CTNNA2: variants seen among roughly 807,000 people sequenced by gnomAD.
The protein encoded by CTNNA2 is catenin alpha 2.
CTNNA2 carries 42 observed loss-of-function variants against 101.0 expected under a neutral mutation model. The observed-to-expected ratio is 0.42, with a 90% CI of 0.32 to 0.54. CTNNA2 has a LOEUF of 0.54. CTNNA2 is among the 20% of genes least tolerant of loss of function. The pLI is 0.14. For synonymous variants in CTNNA2, 450 were observed against 456.4 expected (o/e 0.99, Z 0.18); for missense variants, 871 against 1,223.1 (o/e 0.71, Z 4.29).
intron 3 of CTNNA2, among the ~76,000 whole-genome samples, chr2:79,839,395 G>T (rs1238331504): frequency 2.0e-5 from 3 of 151,866 alleles, no homozygotes; most frequent in Admixed American, 6.6e-5. Context: ...ATCAAATATG[G>T]ACTTCTTTTT....
chr2:79,546,664 G>A (rs1240106263), intron 1 of CTNNA2, among the ~76,000 whole-genome samples: 3 of 152,104 alleles, frequency 2.0e-5, no homozygotes, highest in Non-Finnish European at 2.9e-5. Flanking sequence ...GTGGTTTATA[G>A]CAGACACATA....
chr2:80,573,766 A>G (rs551708442), intron 12 of CTNNA2, among the ~76,000 whole-genome samples: 5 of 152,328 alleles, frequency 3.3e-5, no homozygotes, highest in Admixed American at 3.3e-4. Context: ...ATTTTATTAC[A>G]TTTTATAGAC....
intron 4 of CTNNA2, chr2:79,493,570 C>G (rs758597996): frequency 6.6e-6 from 1 of 152,230 alleles, no homozygotes; most frequent in Non-Finnish European, 1.5e-5. Context: ...GAGCCGAGAC[C>G]GCAACACTGC....
chr2:79,292,596 A>G (rs1464260845), intron 2 of CTNNA2, among the ~76,000 whole-genome samples: 1 of 152,198 alleles, frequency 6.6e-6, no homozygotes, highest in South Asian at 2.1e-4. Flanking sequence ...GGTTAAGTAC[A>G]AGTACCCCAT....
chr2:80,062,702 C>CTTTTTT (rs70940073), intron 7 of CTNNA2, among the ~76,000 whole-genome samples: 4 of 117,510 alleles, frequency 3.4e-5, no homozygotes, highest in East Asian at 2.3e-4. Flanking sequence ...GCACTGTGAT[C>CTTTTTT]TTTTTTTTTT....
chr2:79,209,328 G>A (rs1674140310), intron 2 of CTNNA2, among the ~76,000 whole-genome samples: 1 of 152,196 alleles, frequency 6.6e-6, no homozygotes, highest in East Asian at 1.9e-4. Flanking sequence ...TGGATAGACA[G>A]GCAAATTTTG....
At chr2:79,248,486 C>T (rs1028560184) in intron 2 of CTNNA2, among the ~76,000 whole-genome samples, 3 of 152,108 alleles carry the variant, frequency 2.0e-5, no homozygotes, top group African/African-American at 4.8e-5. Flanking sequence ...AAGTACATCT[C>T]AATTTAGACC....
intron 7 of CTNNA2, among the ~76,000 whole-genome samples, chr2:80,231,175 T>C (rs1319874500): frequency 6.6e-6 from 1 of 152,112 alleles, no homozygotes; most frequent in Admixed American, 6.6e-5. Flanking sequence ...GGTTTCACCA[T>C]GTTGGCCAGG....
At chr2:79,838,365 T>C (rs1297317425) in intron 3 of CTNNA2, among the ~76,000 whole-genome samples, 1 of 151,798 alleles carries the variant, frequency 6.6e-6, no homozygotes, top group Non-Finnish European at 1.5e-5. Context: ...GGGTGGAGGG[T>C]AAAGAAAGAA....
intron 7 of CTNNA2, among the ~76,000 whole-genome samples, chr2:80,071,452 A>G (rs1186743287): frequency 2.0e-5 from 3 of 152,208 alleles, no homozygotes; most frequent in East Asian, 3.9e-4. Context: ...CACATGTTTA[A>G]TCAAGACCTT....
At chr2:80,078,141 T>G (rs548251918) in intron 7 of CTNNA2, among the ~76,000 whole-genome samples, 1 of 152,318 alleles carries the variant, frequency 6.6e-6, no homozygotes, top group African/African-American at 2.4e-5. Context: ...TTAAACTGAC[T>G]AGATGCTAAG....
At chr2:79,201,912 T>G (rs565767604) in intron 2 of CTNNA2, among the ~76,000 whole-genome samples, 1 of 152,266 alleles carries the variant, frequency 6.6e-6, no homozygotes, top group South Asian at 2.1e-4. Flanking sequence ...GTGGTACAGT[T>G]TGCTTTTATA....
intron 15 of CTNNA2, among the ~76,000 whole-genome samples, chr2:80,597,852 T>C (rs1327469087): frequency 6.6e-6 from 1 of 152,178 alleles, no homozygotes; most frequent in African/African-American, 2.4e-5. Context: ...GAAATAGGAA[T>C]GTTTTTACAC....
At chr2:80,157,357 A>G (rs1704048995) in intron 7 of CTNNA2, among the ~76,000 whole-genome samples, 1 of 152,120 alleles carries the variant, frequency 6.6e-6, no homozygotes, top group African/African-American at 2.4e-5. Context: ...CCCAGCAGGA[A>G]TGGAGCTATC....
At chr2:79,307,010 T>C (rs1676263353) in intron 2 of CTNNA2, among the ~76,000 whole-genome samples, 1 of 152,210 alleles carries the variant, frequency 6.6e-6, no homozygotes, top group Non-Finnish European at 1.5e-5. Context: ...CTCTAGATAT[T>C]AATCCTTTTT....
intron 8 of CTNNA2, among the ~76,000 whole-genome samples, chr2:80,409,955 G>A (rs1417459154): frequency 1.3e-5 from 2 of 152,140 alleles, no homozygotes; most frequent in Non-Finnish European, 2.9e-5. Flanking sequence ...TCCAGTAAAA[G>A]GAATTGCAGA....
At chr2:79,938,234 T>C (rs1242107670) in intron 7 of CTNNA2, among the ~76,000 whole-genome samples, 1 of 152,210 alleles carries the variant, frequency 6.6e-6, no homozygotes, top group Non-Finnish European at 1.5e-5. Context: ...TTTGTTTTTA[T>C]AGATATGTAA....
chr2:80,332,100 G>C (rs1373374194), intron 7 of CTNNA2, among the ~76,000 whole-genome samples: 1 of 152,074 alleles, frequency 6.6e-6, no homozygotes, highest in Admixed American at 6.5e-5. Flanking sequence ...GCTCTATAAT[G>C]AAACAAGCAG....
chr2:80,413,034 A>G (rs893227144), intron 8 of CTNNA2, among the ~76,000 whole-genome samples: 1 of 152,220 alleles, frequency 6.6e-6, no homozygotes, highest in Non-Finnish European at 1.5e-5. Flanking sequence ...AGGAGATAGA[A>G]GAATAAGGTT....
Sources: allele counts gnomAD v4.1 joint callset (sites outside exome capture counted in the v4.1 genomes callset), GRCh38; gene constraint gnomAD v4.1.1; transcripts MANE v1.5; gene names NCBI Gene and HGNC (gene_info 2026-07-23, HGNC 2026-07-21).